The following CADPS2 variants were observed in gnomAD, a reference collection of about 807,000 sequenced individuals.
The protein encoded by CADPS2 is calcium-dependent secretion activator 2.
CADPS2 carries 93 observed loss-of-function variants against 172.5 expected under a neutral mutation model. The ratio of observed to expected loss-of-function variants is 0.54; its 90% CI spans 0.46 to 0.64. CADPS2 has a LOEUF of 0.64. Among genes scored for constraint, CADPS2 ranks in the 30% least tolerant of loss-of-function variants. CADPS2 has a pLI of 0.00. For synonymous variants in CADPS2, 546 were observed against 555.2 expected, an observed-to-expected ratio of 0.98 and a Z score of 0.23; for missense variants, 1,420 against 1,565.9, an observed-to-expected ratio of 0.91 and a Z score of 1.57.
At chr7:122,880,454 G>T (rs1585130607) in intron 1 of CADPS2, among the ~76,000 whole-genome samples, 2 of 152,028 alleles carry the variant, frequency 1.3e-5, no homozygotes, top group Admixed American at 1.3e-4. Flanking sequence ...TCCTTGCTTC[G>T]AGTATCCCCA....
intron 3 of CADPS2, among the ~76,000 whole-genome samples, chr7:122,634,400 G>C (rs1009527618): frequency 2.0e-5 from 3 of 152,100 alleles, no homozygotes; most frequent in African/African-American, 7.2e-5. Context: ...TCAATCTTGG[G>C]AGGTTGTGTG....
intron 3 of CADPS2, among the ~76,000 whole-genome samples, chr7:122,661,519 T>G (rs1418436151): frequency 6.6e-6 from 1 of 152,158 alleles, no homozygotes; most frequent in Non-Finnish European, 1.5e-5. Flanking sequence ...TATCTTTGTG[T>G]TTTAAAATCA....
intron 25 of CADPS2, among the ~76,000 whole-genome samples, chr7:122,363,477 C>T (rs919724120): frequency 3.3e-5 from 5 of 151,866 alleles, no homozygotes; most frequent in Non-Finnish European, 2.9e-5. Context: ...AAGATAGAGG[C>T]AGGAAGCCTG....
intron 1 of CADPS2, among the ~76,000 whole-genome samples, chr7:122,737,550 T>G (rs1294771812): frequency 6.6e-6 from 1 of 152,180 alleles, no homozygotes; most frequent in African/African-American, 2.4e-5. Flanking sequence ...AGCCATTTCA[T>G]GTACTCTGTA....
chr7:122,673,449 T>TC (rs1402264622), intron 2 of CADPS2, among the ~76,000 whole-genome samples: 1 of 152,150 alleles, frequency 6.6e-6, no homozygotes, highest in Non-Finnish European at 1.5e-5. Context: ...GTTCTCCAAG[T>TC]CCCCACTAGA....
At chr7:122,798,878 G>T (rs1796964772) in intron 1 of CADPS2, among the ~76,000 whole-genome samples, 1 of 151,892 alleles carries the variant, frequency 6.6e-6, no homozygotes, top group South Asian at 2.1e-4. Flanking sequence ...AGGAGGGGAA[G>T]AAATCTTCCT....
chr7:122,424,211 T>A (rs2151835422), intron 17 of CADPS2: 1 of 456,090 alleles, frequency 2.2e-6, no homozygotes, highest in African/African-American at 2.1e-5. Context: ...ACTCATTTAA[T>A]GACCCTGCCA....
In CADPS2 at chr7:122,441,591, A is replaced by G; in HGVS notation, c.2289-16T>C. On this transcript the variant is annotated splice_polypyrimidine_tract_variant and intron_variant, in intron 15 of 29. Transcript: ENST00000449022. Reference sequence around the variant, plus strand: ...AAAACAGTATCTTTAAAAACAAAAGAAAGAACAAAAGAGTCAAACATTTAA... The same window carrying G: ...AAAACAGTATCTTTAAAAACAAAAGGAAGAACAAAAGAGTCAAACATTTAA... The G allele has an allele frequency of 1.3e-6, 2 of 1,497,822 alleles. No individual in the cohort carries two copies. Among genetic ancestry groups the G allele is most frequent in the Non-Finnish European group, 1.8e-6 (2 of 1,116,404 alleles). 92.8% of individuals were successfully genotyped at this position (1,497,822 alleles called of 1,614,324 possible).
intron 8 of CADPS2, among the ~76,000 whole-genome samples, chr7:122,526,752 T>C (rs186909940): frequency 6.6e-6 from 1 of 152,334 alleles, no homozygotes; most frequent in Admixed American, 6.5e-5. Flanking sequence ...AATTAGGTCA[T>C]ATTCCTTTAT....
chr7:122,463,552 T>C (rs2054741345), intron 14 of CADPS2, among the ~76,000 whole-genome samples: 2 of 152,198 alleles, frequency 1.3e-5, no homozygotes, highest in South Asian at 4.1e-4. Context: ...CATTTCTATA[T>C]GTAGTAAAAA....
chr7:122,593,034 A>G (rs999111960), intron 6 of CADPS2, among the ~76,000 whole-genome samples: 1 of 151,676 alleles, frequency 6.6e-6, no homozygotes, highest in Non-Finnish European at 1.5e-5. Context: ...TTGAAATTCC[A>G]ACTTGAGATA....
At chr7:122,674,915 A>C (rs766949847) in intron 2 of CADPS2, among the ~76,000 whole-genome samples, 11 of 152,216 alleles carry the variant, frequency 7.2e-5, no homozygotes, top group Non-Finnish European at 1.5e-4. Context: ...ACAGCAACAT[A>C]GATTTTAAAA....
intron 1 of CADPS2, among the ~76,000 whole-genome samples, chr7:122,853,457 T>G (rs977734139): frequency 2.6e-5 from 4 of 152,208 alleles, no homozygotes; most frequent in Non-Finnish European, 5.9e-5. Context: ...AACTCCTCCC[T>G]TTGTTGCTTT....
intron 25 of CADPS2, among the ~76,000 whole-genome samples, chr7:122,361,963 C>T (rs981161614): frequency 2.6e-5 from 4 of 152,048 alleles, no homozygotes; most frequent in Admixed American, 2.0e-4. Flanking sequence ...ATCTTAGCTA[C>T]TCGGGAGGCT....
At chr7:122,698,959 T>C in intron 2 of CADPS2, 1 of 1,365,118 alleles carries the variant, frequency 7.3e-7, no homozygotes, top group Non-Finnish European at 1.0e-6. Context: ...ACCTAACAGT[T>C]GCACATCTGT....
chr7:122,860,517 G>GC (rs1355379008), intron 1 of CADPS2, among the ~76,000 whole-genome samples: 2 of 152,080 alleles, frequency 1.3e-5, no homozygotes, highest in Non-Finnish European at 2.9e-5. Context: ...ACCAGTGTGA[G>GC]CCACTGTGCC....
intron 6 of CADPS2, among the ~76,000 whole-genome samples, chr7:122,595,134 TAA>T (rs1374902100): frequency 6.6e-6 from 1 of 150,796 alleles, no homozygotes; most frequent in African/African-American, 2.4e-5. Context: ...TTTGTGGGAC[TAA>T]AGAGTTAGAT....
At chr7:122,406,772 A>G (rs1043118161) in intron 20 of CADPS2, among the ~76,000 whole-genome samples, 32 of 152,336 alleles carry the variant, frequency 2.1e-4, no homozygotes, top group African/African-American at 7.5e-4. Context: ...ATCTTGGTGC[A>G]TCATGACAAG....
intron 20 of CADPS2, among the ~76,000 whole-genome samples, chr7:122,403,483 GACTGAGTACGGT>G (rs1425881393): frequency 1.3e-5 from 2 of 152,162 alleles, no homozygotes; most frequent in Non-Finnish European, 2.9e-5. Flanking sequence ...TCTCTGTTTT[GACTGAGTACGGT>G]ACAACAAAAT....
Sources: gnomAD v4.1 joint callset for allele counts (sites outside exome capture counted in the v4.1 genomes callset) on GRCh38, gnomAD v4.1.1 for gene constraint, MANE v1.5 for transcripts, NCBI Gene and HGNC (gene_info 2026-07-23, HGNC 2026-07-21) for gene names.